EMC2: variants seen among roughly 807,000 people sequenced by gnomAD.
EMC2 encodes ER membrane protein complex subunit 2.
EMC2 carries 37 observed loss-of-function variants against 51.6 expected under a neutral mutation model. The ratio of observed to expected loss-of-function variants is 0.72; its 90% CI spans 0.55 to 0.94. The LOEUF is 0.94. Among genes scored for constraint, EMC2 ranks in the 40% least tolerant of loss-of-function variants. The pLI is 0.00. For missense variants in EMC2, 359 were observed against 350.9 expected (o/e 1.02, Z -0.18); for synonymous variants, 131 against 112.4 (o/e 1.17, Z -1.04).
At chr8:108,447,067 T>C (rs1818893870) in intron 1 of EMC2, among the ~76,000 whole-genome samples, 1 of 152,196 alleles carries the variant, frequency 6.6e-6, no homozygotes, top group Non-Finnish European at 1.5e-5. Flanking sequence ...GAAACACCTT[T>C]TACAAATTAA....
chr8:108,446,639 G>A (rs921802646), intron 1 of EMC2, among the ~76,000 whole-genome samples: 29 of 152,184 alleles, frequency 1.9e-4, no homozygotes, highest in Admixed American at 4.6e-4. Context: ...ACATTGGGAA[G>A]GGAGGCCATA....
chr8:108,457,331 C>CGTGTGTGTGTGTGTGT (rs56319322), intron 5 of EMC2, among the ~76,000 whole-genome samples: 7 of 128,082 alleles, frequency 5.5e-5, no homozygotes, highest in African/African-American at 1.7e-4. Flanking sequence ...CGTGTGTGTG[C>CGTGTGTGTGTGTGTGT]GTGTGTGTGT....
chr8:108,459,737 T>A (rs1009289147), intron 5 of EMC2, among the ~76,000 whole-genome samples: 11 of 151,928 alleles, frequency 7.2e-5, no homozygotes, highest in East Asian at 3.9e-4. Context: ...TGTGTGTGTG[T>A]GTGTGTGTGT....
rs1428576361 is a variant in EMC2, at chr8:108,443,676, G to T, written c.18G>T (p.Glu6Asp). ...CTGGGAAGATGGCGAAGGTCTCAGA[G>T]CTTTACGATGTCACTTGGGAAGGTA... MAKVSELYDVTWEEMR... is the reference protein window; with the variant it reads MAKVSDLYDVTWEEMR... The change falls in exon 1 of 11, where the codon GAG becomes GAT. Residue 6 changes from glutamate (E) to aspartate (D), a missense_variant. Transcript: ENST00000220853. 6.2e-7 allele frequency: 1 copy of T among 1,610,090 alleles called. No individual in the cohort carries two copies. The highest frequency in any genetic ancestry group is 1.3e-5 in the African/African-American group (1 of 74,996).
chr8:108,473,307 A>G (rs1263173588), intron 7 of EMC2, among the ~76,000 whole-genome samples: 1 of 152,038 alleles, frequency 6.6e-6, no homozygotes, highest in African/African-American at 2.4e-5. Flanking sequence ...TAACCTGAAA[A>G]TCTGAAATCC....
intron 1 of EMC2, among the ~76,000 whole-genome samples, chr8:108,445,319 T>C (rs1472918347): frequency 6.6e-6 from 1 of 152,236 alleles, no homozygotes; most frequent in Non-Finnish European, 1.5e-5. Flanking sequence ...CTGTATGATC[T>C]GGCGGTTGCC....
chr8:108,457,723 G>C (rs530412348), intron 5 of EMC2, among the ~76,000 whole-genome samples: 3 of 152,120 alleles, frequency 2.0e-5, no homozygotes, highest in Non-Finnish European at 2.9e-5. Flanking sequence ...TGTGAATTGT[G>C]GAAGTTACAA....
At chr8:108,459,626 G>T (rs1483358383) in intron 5 of EMC2, among the ~76,000 whole-genome samples, 1 of 151,924 alleles carries the variant, frequency 6.6e-6, no homozygotes, top group African/African-American at 2.4e-5. Context: ...CTCTCACTGG[G>T]TTCTTCCCAT....
chr8:108,455,839 A>AT (rs775561522), intron 4 of EMC2, 34 bp from the exon 5 acceptor site: 1 of 770,032 alleles, frequency 1.3e-6, no homozygotes, highest in Non-Finnish European at 2.1e-6. Context: ...TTTTAAGGTA[A>AT]TAATTGTAGA....
intron 5 of EMC2, among the ~76,000 whole-genome samples, chr8:108,467,820 A>G (rs1798055524): frequency 6.6e-6 from 1 of 152,242 alleles, no homozygotes; most frequent in African/African-American, 2.4e-5. Flanking sequence ...AGTCTGTGCC[A>G]GTCCTTTAAA....
intron 5 of EMC2, among the ~76,000 whole-genome samples, chr8:108,463,035 C>T (rs561568801): frequency 9.8e-5 from 15 of 152,300 alleles, no homozygotes; most frequent in Admixed American, 6.5e-4. Context: ...TCCTCCTCCT[C>T]TTATTTACTT....
chr8:108,478,974 A>G (rs182712136), intron 9 of EMC2, 32 bp from the exon 10 acceptor site: 23 of 1,338,512 alleles, frequency 1.7e-5, no homozygotes, highest in Admixed American at 1.7e-4. Context: ...CAAAAAAGGA[A>G]TTTTGCTTTT....
intron 10 of EMC2, among the ~76,000 whole-genome samples, chr8:108,482,927 T>C (rs1473494620): frequency 1.3e-5 from 2 of 152,070 alleles, no homozygotes; most frequent in African/African-American, 4.8e-5. Flanking sequence ...AGGGGGTCCA[T>C]TGCTCCCCAT....
At chr8:108,479,209 T>C (rs186928715) in intron 10 of EMC2, 99 bp downstream of exon 10, 116 of 501,020 alleles carry the variant, frequency 2.3e-4, no homozygotes, top group Middle Eastern at 1.1e-3. Flanking sequence ...ATTGGACTTA[T>C]ATATGCCTTT....
At chr8:108,486,293 A>G (rs1457237911) in intron 10 of EMC2, among the ~76,000 whole-genome samples, 1 of 151,940 alleles carries the variant, frequency 6.6e-6, no homozygotes, top group Non-Finnish European at 1.5e-5. Flanking sequence ...CCAAGTGTGC[A>G]GTGAACTCTC....
intron 5 of EMC2, among the ~76,000 whole-genome samples, chr8:108,457,331 C>CGTGTGTGTGTGTGT (rs56319322): frequency 1.2e-4 from 16 of 128,086 alleles, no homozygotes; most frequent in African/African-American, 4.2e-4. Flanking sequence ...CGTGTGTGTG[C>CGTGTGTGTGTGTGT]GTGTGTGTGT....
chr8:108,471,722 T>A (rs1810860660), intron 7 of EMC2, among the ~76,000 whole-genome samples: 1 of 151,944 alleles, frequency 6.6e-6, no homozygotes, highest in South Asian at 2.1e-4. Context: ...TAGGGAGATA[T>A]AAAGGTTGTT....
chr8:108,474,070 C>G (rs1810905823), intron 7 of EMC2: 1 of 151,906 alleles, frequency 6.6e-6, no homozygotes, highest in Non-Finnish European at 1.5e-5. Context: ...ATATTTTATC[C>G]ACAAAATTAG....
At chr8:108,462,424 T>C (rs1280130806) in intron 5 of EMC2, among the ~76,000 whole-genome samples, 1 of 152,164 alleles carries the variant, frequency 6.6e-6, no homozygotes, top group Non-Finnish European at 1.5e-5. Context: ...GGTGAACCTT[T>C]AGGATGATTC....
Sources: gnomAD v4.1 joint callset for allele counts (sites outside exome capture counted in the v4.1 genomes callset) on GRCh38, gnomAD v4.1.1 for gene constraint, MANE v1.5 for transcripts, NCBI Gene and HGNC (gene_info 2026-07-23, HGNC 2026-07-21) for gene names.